The following NRL variants were observed in gnomAD, a reference collection of about 807,000 sequenced individuals.
The protein encoded by NRL is neural retina-specific leucine zipper protein.
A neutral mutation model predicts 12.5 loss-of-function variants in NRL; 16 were observed. The observed-to-expected ratio is 1.28, with a 90% confidence interval of 0.87 to 1.95. The LOEUF (loss-of-function observed/expected upper bound fraction) is 1.95, where lower values mean the gene tolerates loss of function less well. Ranked by LOEUF, NRL falls within the 30% of genes most tolerant of loss-of-function variation. NRL has a pLI of 0.00. For synonymous variants in NRL, 142 were observed against 150.9 expected (o/e 0.94, Z 0.43); for missense variants, 314 against 325.8 (o/e 0.96, Z 0.28).
rs796492173 is a variant in NRL at position 24,094,216 on chromosome 14, G to T, written c.-27-11341C>A. 1.7e-6 allele frequency: 1 copy of T among 584,244 alleles called. No homozygotes were observed. Among genetic ancestry groups the T allele is most frequent in the South Asian group, 2.1e-5 (1 of 48,044 alleles). The allele number at this position is 584,244 out of a possible 1,614,324, so 36.2% of individuals were successfully genotyped here. On this transcript the variant is annotated intron_variant, in intron 1 of 2. Transcript: ENST00000561028. This position sits in a 1 kb window ranked among gnomAD's most constrained non-coding sequence, Gnocchi z 4.1. ...GCCCCGGGGCCGAGGGAGCTGGCCT[G>T]CCAGCGGGGCGGAGGAAAGCTAGTG...
At chr14:24,093,937 T>C (rs1378416849) in intron 1 of NRL, 3 of 466,542 alleles carry the variant, frequency 6.4e-6, no homozygotes, top group African/African-American at 4.1e-5. Context: ...CCCTAACTTC[T>C]AGACGTCTGG....
At chr14:24,113,554 A>G (rs2139001386) in intron 1 of NRL, among the ~76,000 whole-genome samples, 1 of 152,372 alleles carries the variant, frequency 6.6e-6, no homozygotes, top group African/African-American at 2.4e-5. Context: ...CGCCCAGCAG[A>G]CCGCCTACAT....
At position 24,081,262 on chromosome 14, in the gene NRL, C is replaced by G. The variant is rs1240446229; in HGVS notation, c.688G>C (p.Gly230Arg). 6 of 1,503,834 alleles carry G rather than the reference C, an allele frequency of 4.0e-6. No individual in the cohort carries two copies. Among genetic ancestry groups the G allele is most frequent in the Admixed American group, 2.2e-5 (1 of 46,480 alleles). The allele number at this position is 1,503,834 out of a possible 1,614,324, so 93.2% of individuals were successfully genotyped here. A position where few individuals can be genotyped will look rare whatever the true frequency, so the allele number is the denominator to read the frequency against. ...CAGAGGAAGAGGTGGGAGGGGTCCC[C>G]GGACCCGGGGCCGCTCGAGGTTAGC... Reference protein sequence around the residue: ...DRLTSSGPGSGDPSHLFL With the variant: ...DRLTSSGPGSRDPSHLFL The change falls in exon 3 of 3, where the codon GGG becomes CGG. Residue 230 changes from glycine to arginine, a missense_variant. Transcript: ENST00000561028. This position sits in a 1 kb window ranked among gnomAD's most constrained non-coding sequence, Gnocchi z 4.4.
rs1221259968 is a variant in NRL, at chr14:24,078,732, T to C, written c.*2504A>G. ...AATGCATTTATTCTCAGTAGGTGGTTACCATTATTTTCACCATTTTTCTGA... is the reference window on the plus strand; with the variant it reads ...AATGCATTTATTCTCAGTAGGTGGTCACCATTATTTTCACCATTTTTCTGA... On this transcript the variant is annotated 3_prime_UTR_variant, in exon 3 of 3. Transcript: ENST00000561028. Among the ~76,000 whole-genome samples, 3 of 152,234 alleles carry C rather than the reference T, an allele frequency of 2.0e-5. No individual in the cohort carries two copies. Among genetic ancestry groups the C allele is most frequent in the Non-Finnish European group, 4.4e-5 (3 of 68,038 alleles).
intron 1 of NRL, chr14:24,098,298 C>T: frequency 6.2e-7 from 1 of 1,614,090 alleles, no homozygotes. Context: ...CCACTCCCGC[C>T]TGGTGGGGCC....
chr14:24,109,843 T>C (rs1424618857), intron 1 of NRL, among the ~76,000 whole-genome samples: 1 of 152,244 alleles, frequency 6.6e-6, no homozygotes, highest in African/African-American at 2.4e-5. Flanking sequence ...GACTTTTAAA[T>C]GTTTTACTCA....
At chr14:24,114,166 G>C (rs527729268) in intron 1 of NRL, 1 of 152,306 alleles carries the variant, frequency 6.6e-6, no homozygotes, top group African/African-American at 2.4e-5. Flanking sequence ...AGCGTCAAAG[G>C]GGACAGCGGA....
At chr14:24,111,333 C>G (rs1266227143) in intron 1 of NRL, among the ~76,000 whole-genome samples, 2 of 150,964 alleles carry the variant, frequency 1.3e-5, no homozygotes, top group African/African-American at 4.9e-5. Flanking sequence ...AGCAGATCAA[C>G]TACCGGAAGA....
chr14:24,102,705 G>T (rs1160734204), intron 1 of NRL: 2 of 1,561,242 alleles, frequency 1.3e-6, no homozygotes, highest in Admixed American at 1.8e-5. Flanking sequence ...TGTGTGTTGG[G>T]GGTCGACATG....
In NRL at chr14:24,082,726, G is replaced by A; in HGVS notation, c.123C>T (p.Ser41=). 6.2e-7 allele frequency: 1 copy of A among 1,614,202 alleles called. No homozygotes were observed. The highest frequency in any genetic ancestry group is 1.3e-5 in the African/African-American group (1 of 75,064). The change falls in exon 2 of 3, where the codon TCC becomes TCT. Residue 41 remains serine (S), a synonymous_variant. Coordinates refer to ENST00000561028, the MANE Select transcript of NRL (RefSeq NM_001354768.3). ...AAGGAGGCACTGAGCTGTAAGGTGT[G>A]GAGCCCAGTGAGGCTGTAGGGGGGC... is the stretch of plus-strand genomic sequence containing the variant. The part of the protein sequence containing the change: ...RPGPPTASLG[S]TPYSSVPPSP...
At chr14:24,101,263 A>AC (rs552373920) in intron 1 of NRL, among the ~76,000 whole-genome samples, 1 of 152,164 alleles carries the variant, frequency 6.6e-6, no homozygotes, top group Non-Finnish European at 1.5e-5. Flanking sequence ...CCAGAATAAT[A>AC]CCCTGTGTTA....
chr14:24,081,778 G>T lies in NRL; in HGVS notation c.382-210C>A. On this transcript the variant is annotated intron_variant, in intron 2 of 2. Transcript: ENST00000561028. This position sits in a 1 kb window ranked among gnomAD's most constrained non-coding sequence, Gnocchi z 4.4. ...GGCCCCCCAGCTGACCGTTGCTCCA[G>T]TCAGGCGGGCGCCCCACGGTGCAGG... The T allele has an allele frequency of 6.6e-7, 1 of 1,517,820 alleles. No homozygotes were observed. Among genetic ancestry groups the T allele is most frequent in the Non-Finnish European group, 8.8e-7 (1 of 1,137,680 alleles). 94.0% of individuals were successfully genotyped at this position (1,517,820 alleles called of 1,614,324 possible).
rs544154741 is a variant in NRL at position 24,080,119 on chromosome 14, A to T, written c.*1117T>A. 1 of 152,342 alleles carries T rather than the reference A, an allele frequency of 6.6e-6. No homozygotes were observed. The highest frequency in any genetic ancestry group is 2.4e-5 in the African/African-American group (1 of 41,560). The allele number at this position is 152,342 out of a possible 1,614,324, so 9.4% of individuals were successfully genotyped here. On this transcript the variant is annotated 3_prime_UTR_variant, in exon 3 of 3. Coordinates refer to ENST00000561028, the MANE Select transcript of NRL (RefSeq NM_001354768.3). ...CCTGAAGCAGGGATAAAGAATGAAC[A>T]CTTCTTAAATTGCAAGAACATTTAG... is the stretch of plus-strand genomic sequence containing the variant.
At chr14:24,100,450 T>C (rs2037116758) in intron 1 of NRL, 1 of 947,368 alleles carries the variant, frequency 1.1e-6, no homozygotes, top group Non-Finnish European at 1.5e-6. Context: ...TCCACATCAG[T>C]TGAATGAGGG....
intron 1 of NRL, among the ~76,000 whole-genome samples, chr14:24,109,777 G>A (rs942579323): frequency 6.6e-6 from 1 of 151,266 alleles, no homozygotes; most frequent in Non-Finnish European, 1.5e-5. Context: ...TCTTTCCCAT[G>A]TGATGTGAAG....
rs1272357579 is a variant in NRL, at chr14:24,097,093, G to A, written c.-27-14218C>T. The A allele has an allele frequency of 2.5e-6, 4 of 1,613,760 alleles. No homozygotes were observed. Among genetic ancestry groups the A allele is most frequent in the Non-Finnish European group, 2.5e-6 (3 of 1,179,896 alleles). ...AGAATACTGCCACACTGACCCTGCT[G>A]GAGCAGCAGGGCCTCATCCGAAAGC... On this transcript the variant is annotated intron_variant, in intron 1 of 2. Coordinates refer to ENST00000561028, the MANE Select transcript of NRL (RefSeq NM_001354768.3).
chr14:24,089,546 C>T (rs1310017661), intron 1 of NRL, among the ~76,000 whole-genome samples: 1 of 152,172 alleles, frequency 6.6e-6, no homozygotes. Context: ...CACACCCAGC[C>T]CATTTTAAAT....
intron 1 of NRL, chr14:24,096,934 C>G (rs2036911197): frequency 6.2e-7 from 1 of 1,613,360 alleles, no homozygotes; most frequent in Non-Finnish European, 8.5e-7. Context: ...GGCCATCATG[C>G]CGTAGCATCC....
chr14:24,095,082 G>C, intron 1 of NRL: 2 of 456,100 alleles, frequency 4.4e-6, no homozygotes, highest in South Asian at 3.1e-5. Context: ...CCCCAGGCTC[G>C]TCCTGTTTGT....
Sources: allele counts gnomAD v4.1 joint callset (sites outside exome capture counted in the v4.1 genomes callset), GRCh38; gene constraint gnomAD v4.1.1; non-coding constraint Gnocchi (gnomAD v3.1); transcripts MANE v1.5; gene names NCBI Gene and HGNC (gene_info 2026-07-23, HGNC 2026-07-21).